Variants in USP29 observed in about 807,000 individuals in gnomAD.
USP29 encodes the protein ubiquitin carboxyl-terminal hydrolase 29.
For missense variants in USP29, 1,102 were observed against 1,069.0 expected (o/e 1.03, Z -0.43); for synonymous variants, 386 against 387.4 (o/e 1.00, Z 0.04).
chr19:57,122,935 G>A (rs149835436), intron 2 of USP29, among the ~76,000 whole-genome samples: 148 of 152,198 alleles, frequency 9.7e-4, no homozygotes, highest in African/African-American at 3.5e-3. Context: ...AAATGGAGGG[G>A]CTTTTCTTCA....
In USP29 at chr19:57,128,842, A is replaced by T. The variant is rs772141651; in HGVS notation, c.167A>T (p.Asn56Ile). 3.1e-6 allele frequency: 5 copies of T among 1,613,842 alleles called. No individual in the cohort carries two copies. The highest frequency in any genetic ancestry group is 4.2e-6 in the Non-Finnish European group (5 of 1,179,984). ...ATAAGAATTTTTCAGCTGAGCAACA[A>T]CATTAGAAGTGTGGTCCTTAGACAT... is the stretch of plus-strand genomic sequence containing the variant. ...KFIRIFQLSN[N>I]IRSVVLRHCK... Residue 56 changes from asparagine to isoleucine, a missense_variant, in exon 4 of 4, where the codon AAC becomes ATC. By Grantham distance (149) the Asn-to-Ile change is moderately radical. Transcript: ENST00000254181.
Position 57,129,535 on chromosome 19 carries a change from T to C in USP29, c.860T>C (p.Phe287Ser). 1 of 1,614,182 alleles carries C rather than the reference T, an allele frequency of 6.2e-7. No individual in the cohort carries two copies. Among genetic ancestry groups the C allele is most frequent in the Non-Finnish European group, 8.5e-7 (1 of 1,180,034 alleles). The change falls in exon 4 of 4, where the codon TTC becomes TCC. Residue 287 changes from phenylalanine to serine, a missense_variant. Phe to Ser is a radical substitution (Grantham distance 155, BLOSUM62 -2). Transcript: ENST00000254181. ...CATTCACAGCAACTGCAGCAGGGGT[T>C]CCCCAATTTGGGAAACACCTGTTAC... is the stretch of plus-strand genomic sequence containing the variant. ...DSHSQQLQQG[F>S]PNLGNTCYMN...
At position 57,129,545 on chromosome 19, in the gene USP29, G is replaced by T. The variant is rs776599454; in HGVS notation, c.870G>T (p.Leu290Phe). ...SQQLQQGFPN[L>F]GNTCYMNAVL... ...AACTGCAGCAGGGGTTCCCCAATTT[G>T]GGAAACACCTGTTACATGAATGCAG... The change falls in exon 4 of 4, where the codon TTG (leucine) becomes TTT (phenylalanine). Residue 290 changes from leucine to phenylalanine, a missense_variant. Leu to Phe is a conservative substitution (Grantham distance 22). Coordinates refer to ENST00000254181, the MANE Select transcript of USP29 (RefSeq NM_020903.3). 1 of 1,614,122 alleles carries T rather than the reference G, an allele frequency of 6.2e-7. No individual in the cohort carries two copies. The highest frequency in any genetic ancestry group is 2.2e-5 in the East Asian group (1 of 44,878).
At chr19:57,119,719 G>A (rs909290377), upstream of USP29, among the ~76,000 whole-genome samples, 12 of 152,222 alleles carry the variant, frequency 7.9e-5, no homozygotes, top group African/African-American at 2.9e-4. Flanking sequence ...CACCGCGCCC[G>A]GCCGGGATGA....
chr19:57,128,178 G>T (rs975220440), intron 3 of USP29, among the ~76,000 whole-genome samples: 2 of 152,178 alleles, frequency 1.3e-5, no homozygotes, highest in Non-Finnish European at 2.9e-5. Flanking sequence ...CATTGGTCTC[G>T]CTGGGAGCTG....
rs576803775 is a variant in USP29 at position 57,130,559 on chromosome 19, A to G, written c.1884A>G (p.Leu628=). 5.9e-5 allele frequency: 96 copies of G among 1,614,066 alleles called. No individual in the cohort carries two copies. Among genetic ancestry groups the G allele is most frequent in the Middle Eastern group, 1.6e-4 (1 of 6,084 alleles). The change falls in exon 4 of 4, where the codon CTA becomes CTG. Residue 628 remains leucine (L), a synonymous_variant. Transcript: ENST00000254181. ...GAGACCTGGAAAATGGCTCTGCACT[A>G]GAGTCAGAATTGGTCCACTTTAGAG... ...HQRDLENGSA[L]ESELVHFRDR...
Position 57,130,004 on chromosome 19 carries a change from T to C in USP29, c.1329T>C (p.His443=). ...CCCTTATTTGTAAAGCTTGTGGTCA[T>C]GCTGTTCTCAAGGTAGAACCTAATA... The part of the protein sequence containing the change: ...QLSLICKACG[H]AVLKVEPNNY... Residue 443 remains histidine (H), a synonymous_variant, in exon 4 of 4, where the codon CAT becomes CAC. Transcript: ENST00000254181. The C allele has an allele frequency of 6.2e-7, 1 of 1,614,224 alleles. No individual in the cohort carries two copies. Among genetic ancestry groups the C allele is most frequent in the Non-Finnish European group, 8.5e-7 (1 of 1,180,032 alleles).
chr19:57,129,827 G>T lies in USP29; in HGVS notation c.1152G>T (p.Leu384=), dbSNP rs938643513. Residue 384 remains leucine, a synonymous_variant, in exon 4 of 4, where the codon CTG becomes CTT. Transcript: ENST00000254181. ...HEFLGQCLDQ[L]KEDMEKLNAT... is the part of the protein sequence containing the mutation. ...TTTTAGGTCAGTGTTTAGACCAGCT[G>T]AAAGAAGACATGGAAAAATTAAATG... is the stretch of plus-strand genomic sequence containing the variant. The T allele has an allele frequency of 3.7e-6, 6 of 1,614,044 alleles. No homozygotes were observed. The Admixed American group carries it at 6.7e-5, about 18-fold the overall frequency.
intron 3 of USP29, among the ~76,000 whole-genome samples, chr19:57,125,042 C>T (rs2086816849): frequency 3.9e-5 from 6 of 152,158 alleles, no homozygotes; most frequent in Admixed American, 3.9e-4. Flanking sequence ...AGCCCAATGA[C>T]TTATCCTAAG....
chr19:57,123,553 G>A (rs942684392), intron 2 of USP29, among the ~76,000 whole-genome samples: 21 of 152,300 alleles, frequency 1.4e-4, no homozygotes, highest in African/African-American at 4.8e-4. Context: ...GCAGTAAGCG[G>A]TGAAGCCGGG....
At chr19:57,125,158 G>A (rs377178622) in intron 3 of USP29, among the ~76,000 whole-genome samples, 4 of 152,280 alleles carry the variant, frequency 2.6e-5, no homozygotes, top group African/African-American at 9.6e-5. Flanking sequence ...GGTGAAGCCA[G>A]GCTTTCCATG....
chr19:57,131,130 C>T lies in USP29; in HGVS notation c.2455C>T (p.Pro819Ser). 6.2e-7 allele frequency: 1 copy of T among 1,614,206 alleles called. No homozygotes were observed. Among genetic ancestry groups the T allele is most frequent in the Non-Finnish European group, 8.5e-7 (1 of 1,180,032 alleles). ...ELTRNVKMGDPLQAYRLISVV... is the reference protein window; with the variant it reads ...ELTRNVKMGDSLQAYRLISVV... ...AACAAGAAACGTGAAGATGGGGGAT[C>T]CTCTCCAGGCCTACAGACTCATCAG... The change falls in exon 4 of 4, where the codon CCT (proline) becomes TCT (serine). Residue 819 changes from proline to serine, a missense_variant. Pro to Ser is a moderately conservative substitution (Grantham distance 74). Coordinates refer to ENST00000254181, the MANE Select transcript of USP29 (RefSeq NM_020903.3).
In USP29 at chr19:57,130,275, T is replaced by A; in HGVS notation, c.1600T>A (p.Ser534Thr). Reference protein sequence around the residue: ...KNNEQVYIPKSLSLSSYCNES... With the variant: ...KNNEQVYIPKTLSLSSYCNES... Reference sequence around the variant, plus strand: ...TAACGAGCAAGTTTATATTCCCAAATCTTTAAGTTTATCTTCTTATTGCAA... The same window carrying A: ...TAACGAGCAAGTTTATATTCCCAAAACTTTAAGTTTATCTTCTTATTGCAA... The change falls in exon 4 of 4, where the codon TCT becomes ACT. Residue 534 changes from serine to threonine, a missense_variant. Ser to Thr is a moderately conservative substitution (Grantham distance 58, BLOSUM62 1). Coordinates refer to ENST00000254181, the MANE Select transcript of USP29 (RefSeq NM_020903.3). 8 of 1,614,060 alleles carry A rather than the reference T, an allele frequency of 5.0e-6. No individual in the cohort carries two copies. The highest frequency in any genetic ancestry group is 6.8e-6 in the Non-Finnish European group (8 of 1,180,012).
In USP29 at chr19:57,128,888, C is replaced by T; in HGVS notation, c.213C>T (p.His71=). 1 of 1,613,490 alleles carries T rather than the reference C, an allele frequency of 6.2e-7. No individual in the cohort carries two copies. The highest frequency in any genetic ancestry group is 1.1e-5 in the South Asian group (1 of 90,848). Residue 71 remains histidine, a synonymous_variant, in exon 4 of 4, where the codon CAC becomes CAT. Coordinates refer to ENST00000254181, the MANE Select transcript of USP29 (RefSeq NM_020903.3). ...GACATTGTAAAAAAAGACAAAGTCA[C>T]CTGCGTTTAACTTTGAAAAACAACG... ...VLRHCKKRQS[H]LRLTLKNNVF...
chr19:57,125,845 GT>G (rs2086821097), intron 3 of USP29, among the ~76,000 whole-genome samples: 2 of 152,104 alleles, frequency 1.3e-5, no homozygotes, highest in Non-Finnish European at 2.9e-5. Context: ...AGTTGATGCA[GT>G]TTCTTCTGTG....
At chr19:57,121,291 T>G (rs1014394294) in intron 1 of USP29, among the ~76,000 whole-genome samples, 2 of 147,296 alleles carry the variant, frequency 1.4e-5, no homozygotes, top group Non-Finnish European at 3.0e-5. Context: ...TTATATATAC[T>G]TATATATGTT....
intron 2 of USP29, among the ~76,000 whole-genome samples, chr19:57,122,987 C>G (rs2086805849): frequency 6.6e-6 from 1 of 152,124 alleles, no homozygotes; most frequent in Admixed American, 6.6e-5. Context: ...AAACTGAGGA[C>G]ACATTAATTA....
At chr19:57,119,485 C>A (rs1222618128), upstream of USP29, among the ~76,000 whole-genome samples, 1 of 152,124 alleles carries the variant, frequency 6.6e-6, no homozygotes, top group Non-Finnish European at 1.5e-5. Context: ...TGTAGTGGCG[C>A]CATCTCCGCT....
chr19:57,129,892 C>A lies in USP29; in HGVS notation c.1217C>A (p.Ser406Ter). 6.2e-7 allele frequency: 1 copy of A among 1,614,092 alleles called. No individual in the cohort carries two copies. Among genetic ancestry groups the A allele is most frequent in the Non-Finnish European group, 8.5e-7 (1 of 1,180,010 alleles). The change falls in exon 4 of 4, where the codon TCA (serine) becomes TAA (stop). Residue 406 changes from serine to a stop codon, truncating the protein, a stop_gained. Coordinates refer to ENST00000254181, the MANE Select transcript of USP29 (RefSeq NM_020903.3). LOFTEE classifies it low-confidence loss of function (END_TRUNC). ...NTGKECGDEN[S>*]SPQMHVGSAA... The stretch of plus-strand genomic sequence containing the variant: ...GGGAAAGAATGTGGGGATGAAAATT[C>A]ATCTCCACAAATGCATGTTGGTAGT...
Sources: allele counts gnomAD v4.1 joint callset (sites outside exome capture counted in the v4.1 genomes callset), GRCh38; gene constraint gnomAD v4.1.1; transcripts MANE v1.5; gene names NCBI Gene and HGNC (gene_info 2026-07-23, HGNC 2026-07-21).